Variants in CAMTA2 observed in about 807,000 individuals in gnomAD.
CAMTA2 encodes calmodulin-binding transcription activator 2.
A neutral mutation model predicts 135.7 loss-of-function variants in CAMTA2; 56 were observed. The ratio of observed to expected loss-of-function variants is 0.41; its 90% CI spans 0.33 to 0.52. The LOEUF is 0.52. Among genes scored for constraint, CAMTA2 ranks in the 20% least tolerant of loss-of-function variants. The pLI is 0.16. For missense variants in CAMTA2, 1,358 were observed against 1,553.4 expected (o/e 0.87, Z 2.11); for synonymous variants, 591 against 604.6 (o/e 0.98, Z 0.33).
chr17:4,968,956 C>T lies in CAMTA2; in HGVS notation c.3496G>A (p.Asp1166Asn), dbSNP rs750151051. Residue 1166 changes from aspartate to asparagine, a missense_variant, in exon 22 of 23, where the codon GAC becomes AAC. This residue lies in a region of CAMTA2 where 167 missense variants were observed against 207.0 expected (regional missense o/e 0.81). Transcript: ENST00000348066. ...NKGSFLTKKQ[D>N]QAARKIMRFL... ...CTCATGATCTTCCGGGCTGCCTGGT[C>T]CTGCTTCTTGGTGAGAAAGGAGCCT... The T allele has an allele frequency of 1.2e-6, 2 of 1,613,994 alleles. No individual in the cohort carries two copies. Among genetic ancestry groups the T allele is most frequent in the African/African-American group, 1.3e-5 (1 of 74,904 alleles).
intron 2 of CAMTA2, 36 bp downstream of exon 2, chr17:4,986,156 C>T: frequency 7.8e-7 from 1 of 1,277,152 alleles, no homozygotes; most frequent in Non-Finnish European, 1.1e-6. Flanking sequence ...GAACGAAAGG[C>T]TGTGGCCACA....
chr17:4,985,653 A>G (rs1338818133), intron 3 of CAMTA2, among the ~76,000 whole-genome samples: 1 of 151,824 alleles, frequency 6.6e-6, no homozygotes, highest in Non-Finnish European at 1.5e-5. Context: ...TGAACTCCTG[A>G]CCTCAGATGA....
intron 3 of CAMTA2, among the ~76,000 whole-genome samples, chr17:4,984,535 G>A (rs927625314): frequency 4.6e-5 from 7 of 152,132 alleles, no homozygotes; most frequent in Admixed American, 2.6e-4. Flanking sequence ...CTTCCTAAAC[G>A]CTCTATAGCA....
At chr17:4,971,233 C>G (rs571797452) in intron 16 of CAMTA2, among the ~76,000 whole-genome samples, 1 of 152,312 alleles carries the variant, frequency 6.6e-6, no homozygotes, top group African/African-American at 2.4e-5. Flanking sequence ...CCTCATCTTG[C>G]CAGCCTTACC....
Position 4,973,738 on chromosome 17 carries a change from C to T in CAMTA2, c.2048G>A (p.Arg683Gln), listed in dbSNP as rs1234780137. The stretch of plus-strand genomic sequence containing the variant: ...CATGCTTTCTACCAAGACCACTACC[C>T]GTGCTTCGAACCCAGGCCCCTGGCC... ...DEGQGPGFEA[R>Q]VVVLVESMIP... Residue 683 changes from arginine to glutamine, a missense_variant, in exon 13 of 23, where the codon CGG (arginine) becomes CAG (glutamine). Arg to Gln is a conservative substitution (Grantham distance 43, BLOSUM62 1). Coordinates refer to ENST00000348066, the MANE Select transcript of CAMTA2 (RefSeq NM_015099.4). The T allele has an allele frequency of 1.2e-6, 2 of 1,612,470 alleles. No individual in the cohort carries two copies. The highest frequency in any genetic ancestry group is 1.7e-6 in the Non-Finnish European group (2 of 1,178,822).
In CAMTA2 at chr17:4,979,638, G is replaced by A. The variant is rs115646784; in HGVS notation, c.1638+46C>T. 459 of 1,390,994 alleles carry A rather than the reference G, an allele frequency of 3.3e-4. 1 individual carries two copies. The African/African-American group carries it at 5.9e-3, about 18-fold the overall frequency. The allele number at this position is 1,390,994 out of a possible 1,614,324, so 86.2% of individuals were successfully genotyped here. ...TAATACAATTTGTTTTGGGGAGTCA[G>A]AAGACAAATAGGAGGGAGGAGGGAG... On this transcript the variant is annotated intron_variant, in intron 9 of 22. Coordinates refer to ENST00000348066, the MANE Select transcript of CAMTA2 (RefSeq NM_015099.4).
At chr17:4,972,683 T>G in intron 15 of CAMTA2, 86 bp downstream of exon 15, 1 of 1,458,806 alleles carries the variant, frequency 6.9e-7, no homozygotes, top group Non-Finnish European at 9.6e-7. Flanking sequence ...GTCTCCTCTC[T>G]TACTCGTTTC....
chr17:4,980,045 C>T lies in CAMTA2; in HGVS notation c.1277G>A (p.Arg426Gln), dbSNP rs755470558. The T allele has an allele frequency of 9.9e-6, 16 of 1,612,718 alleles. No individual in the cohort carries two copies. Among genetic ancestry groups the T allele is most frequent in the South Asian group, 9.9e-5 (9 of 91,088 alleles). Residue 426 changes from arginine (R) to glutamine (Q), a missense_variant, in exon 9 of 23, where the codon CGG (arginine) becomes CAG (glutamine). Coordinates refer to ENST00000348066, the MANE Select transcript of CAMTA2 (RefSeq NM_015099.4). This position sits in a 1 kb window ranked among gnomAD's most constrained non-coding sequence, Gnocchi z 5.3. ...TGCTACTGACTGTGGTGGGGGACCC[C>T]GAGCAGCTGCCTGGGGCTCCAGGGC... ...AAALEPQAAA[R>Q]GPPPQSVAGG...
intron 15 of CAMTA2, 35 bp downstream of exon 15, chr17:4,972,734 C>CA: frequency 6.3e-7 from 1 of 1,590,468 alleles, no homozygotes; most frequent in Non-Finnish European, 8.6e-7. Context: ...CTCCTACCTA[C>CA]ATCCCTCTCT....
chr17:4,982,965 A>G lies in CAMTA2; in HGVS notation c.203+11T>C. Reference sequence around the variant, plus strand: ...CCCCTGCCACTCCCCCATGTTCTCAAACTTTCTCACCTTGTCTTTGGGGCA... The same window carrying G: ...CCCCTGCCACTCCCCCATGTTCTCAGACTTTCTCACCTTGTCTTTGGGGCA... On this transcript the variant is annotated intron_variant, in intron 4 of 22. Coordinates refer to ENST00000348066, the MANE Select transcript of CAMTA2 (RefSeq NM_015099.4). 2 of 1,614,156 alleles carry G rather than the reference A, an allele frequency of 1.2e-6. No individual in the cohort carries two copies. The highest frequency in any genetic ancestry group is 1.7e-6 in the Non-Finnish European group (2 of 1,180,010).
At position 4,980,055 on chromosome 17, in the gene CAMTA2, C is replaced by T; in HGVS notation, c.1267G>A (p.Ala423Thr). 1 of 1,612,772 alleles carries T rather than the reference C, an allele frequency of 6.2e-7. No individual in the cohort carries two copies. Among genetic ancestry groups the T allele is most frequent in the African/African-American group, 1.3e-5 (1 of 75,052 alleles). ...TGTGGTGGGGGACCCCGAGCAGCTG[C>T]CTGGGGCTCCAGGGCAGCAGCAGGC... ...LEPAAALEPQ[A>T]AARGPPPQSV... The change falls in exon 9 of 23, where the codon GCA becomes ACA. Residue 423 changes from alanine (A) to threonine (T), a missense_variant. This residue lies in a region of CAMTA2 where 1,077 missense variants were observed against 1,127.5 expected (regional missense o/e 0.96). Coordinates refer to ENST00000348066, the MANE Select transcript of CAMTA2 (RefSeq NM_015099.4). This position sits in a 1 kb window ranked among gnomAD's most constrained non-coding sequence, Gnocchi z 5.3.
At chr17:4,973,985 A>G in intron 12 of CAMTA2, 1 of 571,642 alleles carries the variant, frequency 1.7e-6, no homozygotes. Context: ...AATCTTGCCC[A>G]TGTGCCTTCC....
intron 17 of CAMTA2, 29 bp from the exon 18 acceptor site, chr17:4,970,114 T>C (rs1269760526): frequency 4.4e-6 from 7 of 1,600,846 alleles, no homozygotes; most frequent in African/African-American, 2.7e-5. Context: ...GAGGGTGTCA[T>C]GAAGCATCTG....
intron 8 of CAMTA2, 54 bp downstream of exon 8, chr17:4,981,171 T>G (rs1972935627): frequency 6.3e-7 from 1 of 1,596,150 alleles, no homozygotes; most frequent in South Asian, 1.1e-5. Context: ...CTGGCTTGCG[T>G]AAGAGCAGTG....
chr17:4,985,399 A>G (rs1459484032), intron 3 of CAMTA2, among the ~76,000 whole-genome samples: 1 of 152,190 alleles, frequency 6.6e-6, no homozygotes, highest in Non-Finnish European at 1.5e-5. Context: ...TGCCACAGAA[A>G]AGAGGGCTCC....
Position 4,982,906 on chromosome 17 carries a change from G to C in CAMTA2, c.204-14C>G, listed in dbSNP as rs371252993. The C allele has an allele frequency of 6.2e-7, 1 of 1,614,148 alleles. No homozygotes were observed. The highest frequency in any genetic ancestry group is 8.5e-7 in the Non-Finnish European group (1 of 1,180,044). ...CCATTCTGAGGCCTGGGAAGGGAAGGGTTGCCCTGGAGTTCTGTGAACAGA... is the reference window on the plus strand; with the variant it reads ...CCATTCTGAGGCCTGGGAAGGGAAGCGTTGCCCTGGAGTTCTGTGAACAGA... On this transcript the variant is annotated splice_polypyrimidine_tract_variant and intron_variant, in intron 4 of 22. Transcript: ENST00000348066.
At position 4,985,925 on chromosome 17, in the gene CAMTA2, G is replaced by T. The variant is rs1204982305; in HGVS notation, c.90C>A (p.Arg30=). Residue 30 remains arginine, a synonymous_variant, in exon 3 of 23, where the codon CGC becomes CGA. Coordinates refer to ENST00000348066, the MANE Select transcript of CAMTA2 (RefSeq NM_015099.4). ...LPKKLLECLP[R]CPLLPPERLR... is the part of the protein sequence containing the mutation. ...GCCTCTCTGGAGGCAGCAGCGGGCAGCGAGGAAGACACTCCAGCAGCTTCT... is the reference window on the plus strand; with the variant it reads ...GCCTCTCTGGAGGCAGCAGCGGGCATCGAGGAAGACACTCCAGCAGCTTCT... 4.3e-6 allele frequency: 7 copies of T among 1,614,094 alleles called. No homozygotes were observed. Among genetic ancestry groups the T allele is most frequent in the South Asian group, 1.1e-5 (1 of 91,084 alleles).
chr17:4,973,293 GAA>G (rs764166342), intron 13 of CAMTA2, 40 bp from the exon 14 acceptor site: 2 of 1,512,194 alleles, frequency 1.3e-6, no homozygotes, highest in Admixed American at 3.3e-5. Flanking sequence ...CCCAATGAGG[GAA>G]AAAGTGGGCA....
intron 16 of CAMTA2, 114 bp from the exon 17 acceptor site, chr17:4,970,650 T>G: frequency 2.3e-6 from 2 of 855,256 alleles, no homozygotes; most frequent in East Asian, 2.6e-5. Context: ...AACCCTGTCT[T>G]TCTGGGCCAC....
Sources: gnomAD v4.1 joint callset for allele counts (sites outside exome capture counted in the v4.1 genomes callset) on GRCh38, gnomAD v4.1.1 for gene constraint, gnomAD v4.1.1 regional missense constraint, Gnocchi (gnomAD v3.1) non-coding constraint, MANE v1.5 for transcripts, NCBI Gene and HGNC (gene_info 2026-07-23, HGNC 2026-07-21) for gene names.